Variants in SYNE1 observed in about 807,000 individuals in gnomAD.
The protein encoded by SYNE1 is nesprin-1.
A neutral mutation model predicts 1,111.0 loss-of-function variants in SYNE1; 616 were observed. The observed-to-expected ratio is 0.55, with a 90% CI of 0.52 to 0.59. SYNE1 has a LOEUF of 0.59. Among genes scored for constraint, SYNE1 ranks in the 20% least tolerant of loss-of-function variants. The pLI is 0.00. For synonymous variants in SYNE1, 3,855 were observed against 3,825.8 expected (o/e 1.01, Z -0.28); for missense variants, 10,006 against 10,417.0 (o/e 0.96, Z 1.72).
At chr6:152,472,203 T>C in intron 15 of SYNE1, 98 bp downstream of exon 15, 1 of 1,054,584 alleles carries the variant, frequency 9.5e-7, no homozygotes, top group Non-Finnish European at 1.4e-6. Flanking sequence ...GGTAGGCGCC[T>C]CTGTTAAAAA....
intron 6 of SYNE1, among the ~76,000 whole-genome samples, chr6:152,519,609 T>G (rs1220291403): frequency 6.6e-6 from 1 of 152,106 alleles, no homozygotes; most frequent in Non-Finnish European, 1.5e-5. Flanking sequence ...CAATTCCAAT[T>G]AATAAATATA....
rs182912283 is a variant in SYNE1, at chr6:152,559,677, A to T, written c.68-19656T>A. Among the ~76,000 whole-genome samples the T allele has an allele frequency of 8.4e-3, 1,284 of 152,062 alleles. 13 individuals carry two copies. Among genetic ancestry groups the T allele is most frequent in the African/African-American group, 0.027 (1,118 of 41,378 alleles). ...TATAGTAATAAATGCCTACATTTTT[A>T]AAAAAAGAAAGATTTTAAGCAACCT... On this transcript the variant is annotated intron_variant, in intron 3 of 145. Transcript: ENST00000367255.
intron 14 of SYNE1, among the ~76,000 whole-genome samples, chr6:152,476,839 C>T (rs1037183064): frequency 1.3e-5 from 2 of 149,866 alleles, no homozygotes; most frequent in African/African-American, 4.9e-5. Flanking sequence ...ACTACACTCC[C>T]GCCTCGGCAA....
chr6:152,154,762 G>T, intron 133 of SYNE1, 130 bp downstream of exon 133: 1 of 1,038,992 alleles, frequency 9.6e-7, no homozygotes, highest in Non-Finnish European at 1.5e-6. Flanking sequence ...AAAGATGGCT[G>T]CAAAGTCCTC....
intron 4 of SYNE1, among the ~76,000 whole-genome samples, chr6:152,537,327 G>A (rs535076104): frequency 8.5e-5 from 13 of 152,080 alleles, no homozygotes; most frequent in Admixed American, 8.5e-4. Flanking sequence ...ATACCCACAA[G>A]TTTTAATGAT....
rs781126698 is a variant in SYNE1 at position 152,395,690 on chromosome 6, C to T, written c.7557-19G>A. ...TTCAAAGCTAAGGGAAAGAAAATGC[C>T]TTAGAGAAATTCTTACATGCTTGTT... On this transcript the variant is annotated intron_variant, in intron 50 of 145. Coordinates refer to ENST00000367255, the MANE Select transcript of SYNE1 (RefSeq NM_182961.4). 3 of 1,613,750 alleles carry T rather than the reference C, an allele frequency of 1.9e-6. No individual in the cohort carries two copies. Among genetic ancestry groups the T allele is most frequent in the Non-Finnish European group, 1.7e-6 (2 of 1,179,814 alleles).
At chr6:152,396,228 G>GA (rs1290998752) in intron 50 of SYNE1, among the ~76,000 whole-genome samples, 1 of 152,164 alleles carries the variant, frequency 6.6e-6, no homozygotes, top group Non-Finnish European at 1.5e-5. Flanking sequence ...CTAAGTTTTG[G>GA]AAACAATGTA....
At chr6:152,489,710 C>T (rs1235041429) in intron 11 of SYNE1, among the ~76,000 whole-genome samples, 2 of 152,070 alleles carry the variant, frequency 1.3e-5, no homozygotes, top group African/African-American at 4.8e-5. Flanking sequence ...TTTCAGAACT[C>T]GGCTCAGGCA....
At chr6:152,500,387 T>A (rs7771605) in intron 10 of SYNE1, among the ~76,000 whole-genome samples, 12,807 of 152,252 alleles carry the variant, frequency 0.084, 677 homozygotes, top group African/African-American at 0.14. Context: ...ATAACTATAG[T>A]TAAGTCACGC....
In SYNE1 at chr6:152,339,326, T is replaced by A. The variant is rs1294787806; in HGVS notation, c.12266A>T (p.Tyr4089Phe). The A allele has an allele frequency of 2.5e-6, 4 of 1,614,048 alleles. No homozygotes were observed. Among genetic ancestry groups the A allele is most frequent in the Non-Finnish European group, 3.4e-6 (4 of 1,179,916 alleles). Residue 4089 changes from tyrosine to phenylalanine, a missense_variant, in exon 75 of 146, where the codon TAC (tyrosine) becomes TTC (phenylalanine). Tyr to Phe is a conservative substitution (Grantham distance 22). Transcript: ENST00000367255. ...ACACATGGAGCAAAGGAGATCTAGG[T>A]AGGTCCTTGCCTGCTCTTGCAAAGC... is the stretch of plus-strand genomic sequence containing the variant. ...FRALQEQART[Y>F]LDLLCSMCDL...
At chr6:152,200,181 G>GTCA (rs2075118522) in intron 127 of SYNE1, among the ~76,000 whole-genome samples, 2 of 152,092 alleles carry the variant, frequency 1.3e-5, no homozygotes, top group Admixed American at 1.3e-4. Flanking sequence ...CCTTAAACGA[G>GTCA]TCAGTGTGGC....
At chr6:152,458,964 G>T (rs778333954) in intron 21 of SYNE1, 34 bp from the exon 22 acceptor site, 3 of 1,604,790 alleles carry the variant, frequency 1.9e-6, no homozygotes, top group Non-Finnish European at 2.6e-6. Context: ...TTCCATGAAA[G>T]ACCATTAAGT....
rs576320413 is a variant in SYNE1 at position 152,376,745 on chromosome 6, T to C, written c.9146+31A>G. On this transcript the variant is annotated intron_variant, in intron 57 of 145. Coordinates refer to ENST00000367255, the MANE Select transcript of SYNE1 (RefSeq NM_182961.4). ...TTCTAGCTTCTAATTTGTATAAAAA[T>C]ATCTTGAACACCAATAAGGTTCATG... The C allele has an allele frequency of 7.4e-6, 12 of 1,612,796 alleles. No individual in the cohort carries two copies. In the African/African-American group the frequency reaches 1.2e-4, roughly 16 times the overall value.
chr6:152,266,010 G>A (rs111575726), intron 100 of SYNE1, among the ~76,000 whole-genome samples: 2 of 152,042 alleles, frequency 1.3e-5, no homozygotes, highest in East Asian at 3.9e-4. Context: ...TTAATTCATG[G>A]TTAATTGTTT....
intron 53 of SYNE1, among the ~76,000 whole-genome samples, chr6:152,387,889 C>T (rs899261304): frequency 3.3e-5 from 5 of 152,102 alleles, no homozygotes; most frequent in African/African-American, 1.2e-4. Context: ...CACACACACA[C>T]AATATACAGT....
At chr6:152,598,416 G>C (rs1464676317) in intron 3 of SYNE1, among the ~76,000 whole-genome samples, 1 of 152,010 alleles carries the variant, frequency 6.6e-6, no homozygotes, top group Non-Finnish European at 1.5e-5. Flanking sequence ...CCCTGTCTAG[G>C]GTATGTCTTT....
intron 57 of SYNE1, 40 bp downstream of exon 57, chr6:152,376,736 G>A (rs2097288822): frequency 6.2e-7 from 1 of 1,611,648 alleles, no homozygotes; most frequent in Non-Finnish European, 8.5e-7. Flanking sequence ...CTTCTAATTT[G>A]TATAAAAATA....
chr6:152,281,714 T>C (rs2094038537), intron 97 of SYNE1, 93 bp downstream of exon 97: 3 of 1,355,792 alleles, frequency 2.2e-6, no homozygotes, highest in East Asian at 2.3e-5. Context: ...AAAAATCATA[T>C]ATCCACACCA....
intron 53 of SYNE1, 88 bp downstream of exon 53, chr6:152,390,191 AT>A (rs1178233530): frequency 1.4e-6 from 2 of 1,448,550 alleles, no homozygotes. Flanking sequence ...ATGCTTGGGA[AT>A]TCCACCCCAG....
Sources: gnomAD v4.1 joint callset for allele counts (sites outside exome capture counted in the v4.1 genomes callset) on GRCh38, gnomAD v4.1.1 for gene constraint, MANE v1.5 for transcripts, NCBI Gene and HGNC (gene_info 2026-07-23, HGNC 2026-07-21) for gene names.